The following NELL1 variants were observed in gnomAD, a reference collection of about 807,000 sequenced individuals.
The protein encoded by NELL1 is neural EGFL like 1, also known as protein kinase C-binding protein NELL1.
NELL1 carries 76 observed loss-of-function variants against 107.4 expected under a neutral mutation model. That is an observed-to-expected ratio of 0.71 (90% CI 0.59 to 0.86). The LOEUF (loss-of-function observed/expected upper bound fraction) is 0.86, where lower values mean the gene tolerates loss of function less well. NELL1 is among the 40% of genes least tolerant of loss of function. NELL1 has a pLI of 0.00. For missense variants in NELL1, 1,024 were observed against 1,005.5 expected, an observed-to-expected ratio of 1.02 and a Z score of -0.25; for synonymous variants, 353 against 341.2, an observed-to-expected ratio of 1.03 and a Z score of -0.38.
intron 13 of NELL1, among the ~76,000 whole-genome samples, chr11:21,188,971 ATT>A (rs1443203039): frequency 6.6e-6 from 1 of 151,770 alleles, no homozygotes; most frequent in African/African-American, 2.4e-5. Context: ...GATACTTATC[ATT>A]TTCACGCATG....
In NELL1 at chr11:20,808,266, C is replaced by T. The variant is rs192403182; in HGVS notation, c.335+24436C>T. Among the ~76,000 whole-genome samples the T allele has an allele frequency of 2.4e-3, 372 of 152,192 alleles. 1 individual carries two copies. The highest frequency in any genetic ancestry group is 8.6e-3 in the African/African-American group (356 of 41,552). Reference sequence around the variant, plus strand: ...GATTCGGTCCTTTATTTCAAGTCAGCAGGTTCCCCTCTGGCCCAAGGTATA... The same window carrying T: ...GATTCGGTCCTTTATTTCAAGTCAGTAGGTTCCCCTCTGGCCCAAGGTATA... On this transcript the variant is annotated intron_variant, in intron 3 of 19. Coordinates refer to ENST00000357134, the MANE Select transcript of NELL1 (RefSeq NM_006157.5).
chr11:20,976,301 CA>C, intron 12 of NELL1, among the ~76,000 whole-genome samples: 1 of 151,860 alleles, frequency 6.6e-6, no homozygotes, highest in East Asian at 1.9e-4. Flanking sequence ...TCAGTATAGA[CA>C]ATGAATGCCC....
chr11:21,362,991 A>AGACC (rs1335116028), intron 14 of NELL1, among the ~76,000 whole-genome samples: 11 of 147,610 alleles, frequency 7.5e-5, no homozygotes, highest in African/African-American at 2.5e-4. Context: ...CAGCTCCCAT[A>AGACC]CAGTTGGCGA....
chr11:21,447,741 A>G (rs1366050242), intron 15 of NELL1, among the ~76,000 whole-genome samples: 3 of 152,170 alleles, frequency 2.0e-5, no homozygotes, highest in African/African-American at 4.8e-5. Context: ...CCTGGCTTGT[A>G]TCTTACTTGG....
chr11:20,939,370 T>C (rs1252760569), intron 10 of NELL1, among the ~76,000 whole-genome samples: 2 of 151,682 alleles, frequency 1.3e-5, no homozygotes, highest in Non-Finnish European at 1.5e-5. Context: ...CCAGGCTTGA[T>C]ACTAGATAGA....
At chr11:20,762,588 A>T (rs1481712701) in intron 2 of NELL1, among the ~76,000 whole-genome samples, 2 of 152,180 alleles carry the variant, frequency 1.3e-5, no homozygotes, top group African/African-American at 4.8e-5. Context: ...TGTGGCATGT[A>T]TTTATGCTGG....
rs376767853 is a variant in NELL1 at position 20,783,674 on chromosome 11, T to G, written c.185-6T>G. On this transcript the variant is annotated splice_region_variant and splice_polypyrimidine_tract_variant and intron_variant, in intron 2 of 19. Coordinates refer to ENST00000357134, the MANE Select transcript of NELL1 (RefSeq NM_006157.5). Reference sequence around the variant, plus strand: ...GTTTCCTCCTGCTTTTCTTCTTGATTCCTAGACATAGAAAGAGAGATCCAT... The same window carrying G: ...GTTTCCTCCTGCTTTTCTTCTTGATGCCTAGACATAGAAAGAGAGATCCAT... The G allele has an allele frequency of 6.2e-7, 1 of 1,611,216 alleles. No homozygotes were observed. The highest frequency in any genetic ancestry group is 1.1e-5 in the South Asian group (1 of 90,576).
At chr11:21,416,286 T>C (rs1852518141) in intron 15 of NELL1, among the ~76,000 whole-genome samples, 1 of 152,106 alleles carries the variant, frequency 6.6e-6, no homozygotes, top group Non-Finnish European at 1.5e-5. Context: ...TGTGCTAAAT[T>C]AAATACTACC....
intron 14 of NELL1, among the ~76,000 whole-genome samples, chr11:21,336,515 A>G (rs1422666615): frequency 6.6e-6 from 1 of 151,852 alleles, no homozygotes; most frequent in African/African-American, 2.4e-5. Context: ...TGCCCCCACA[A>G]AAAAAAGAAG....
rs546908607 is a variant in NELL1, at chr11:21,192,561, CAT to C, written c.1427-36768_1427-36767del. ...TTATCACTATTTTCATTTTCATAAA[CAT>C]ATGGCAATATGCACTGTTATATTAA... is the stretch of plus-strand genomic sequence containing the variant. On this transcript the variant is annotated intron_variant, in intron 13 of 19. Coordinates refer to ENST00000357134, the MANE Select transcript of NELL1 (RefSeq NM_006157.5). Among the ~76,000 whole-genome samples, 238 of 151,894 alleles carry C rather than the reference CAT, an allele frequency of 1.6e-3. 4 individuals are homozygous for C. The highest frequency in any genetic ancestry group is 5.5e-3 in the African/African-American group (225 of 41,242).
At chr11:20,799,322 G>A (rs1184552127) in intron 3 of NELL1, among the ~76,000 whole-genome samples, 1 of 152,210 alleles carries the variant, frequency 6.6e-6, no homozygotes, top group East Asian at 1.9e-4. Context: ...CAGTGTGAGA[G>A]ACCGTGTATC....
intron 16 of NELL1, among the ~76,000 whole-genome samples, chr11:21,557,004 C>A (rs1192648482): frequency 6.6e-6 from 1 of 151,892 alleles, no homozygotes; most frequent in African/African-American, 2.4e-5. Context: ...CAGCAGAGAA[C>A]AACAGTTGCA....
intron 2 of NELL1, among the ~76,000 whole-genome samples, chr11:20,723,180 C>T (rs935534855): frequency 6.6e-6 from 1 of 152,144 alleles, no homozygotes; most frequent in Non-Finnish European, 1.5e-5. Context: ...ATCTCATGTC[C>T]TTTTCACATT....
chr11:21,156,257 C>A (rs572773896), intron 13 of NELL1, among the ~76,000 whole-genome samples: 1 of 152,046 alleles, frequency 6.6e-6, no homozygotes, highest in Non-Finnish European at 1.5e-5. Context: ...TTTTGAAGAT[C>A]CAGATGGAAT....
chr11:21,500,623 C>G (rs565004014), intron 15 of NELL1, among the ~76,000 whole-genome samples: 1 of 152,062 alleles, frequency 6.6e-6, no homozygotes, highest in Non-Finnish European at 1.5e-5. Flanking sequence ...GAGCTTTATA[C>G]GTGACATGGC....
intron 2 of NELL1, among the ~76,000 whole-genome samples, chr11:20,693,252 T>C (rs1323189945): frequency 6.6e-6 from 1 of 152,190 alleles, no homozygotes; most frequent in Non-Finnish European, 1.5e-5. Context: ...CTTGCCAGTC[T>C]GTGTCTTTTA....
At chr11:20,945,083 A>T (rs1590447333) in intron 10 of NELL1, among the ~76,000 whole-genome samples, 1 of 152,208 alleles carries the variant, frequency 6.6e-6, no homozygotes, top group East Asian at 1.9e-4. Context: ...TTTTGACAGC[A>T]AGAGTGAAAT....
At chr11:20,672,166 A>G (rs1853929871) in intron 1 of NELL1, among the ~76,000 whole-genome samples, 1 of 152,248 alleles carries the variant, frequency 6.6e-6, no homozygotes, top group Admixed American at 6.5e-5. Flanking sequence ...TATAAGCGGT[A>G]GCTTTCTGGA....
intron 3 of NELL1, among the ~76,000 whole-genome samples, chr11:20,814,383 A>G (rs921539878): frequency 6.6e-6 from 1 of 152,196 alleles, no homozygotes; most frequent in Admixed American, 6.5e-5. Flanking sequence ...TTGGAGTACA[A>G]CTGATCCTGT....
Sources: gnomAD v4.1 joint callset for allele counts (sites outside exome capture counted in the v4.1 genomes callset) on GRCh38, gnomAD v4.1.1 for gene constraint, MANE v1.5 for transcripts, NCBI Gene and HGNC (gene_info 2026-07-23, HGNC 2026-07-21) for gene names.